PALM2AKAP2: variants seen among roughly 807,000 people sequenced by gnomAD.
PALM2AKAP2 encodes PALM2-AKAP2 fusion protein.
A neutral mutation model predicts 71.5 loss-of-function variants in PALM2AKAP2; 37 were observed. That is an observed-to-expected ratio of 0.52 (90% CI 0.40 to 0.68). PALM2AKAP2 has a LOEUF of 0.68. PALM2AKAP2 is among the 30% of genes least tolerant of loss of function. PALM2AKAP2 has a pLI of 0.00. For synonymous variants in PALM2AKAP2, 468 were observed against 478.8 expected (o/e 0.98, Z 0.29); for missense variants, 1,224 against 1,191.8 (o/e 1.03, Z -0.40).
chr9:109,762,223 G>A (rs911364135), intron 1 of PALM2AKAP2, among the ~76,000 whole-genome samples: 6 of 151,872 alleles, frequency 4.0e-5, no homozygotes, highest in African/African-American at 9.7e-5. Context: ...TCTTCAAAGT[G>A]TTTTAGGTCC....
intron 1 of PALM2AKAP2, among the ~76,000 whole-genome samples, chr9:110,120,423 T>C (rs1369109734): frequency 6.6e-6 from 1 of 152,358 alleles, no homozygotes; most frequent in East Asian, 1.9e-4. Flanking sequence ...TGCCTTTCCC[T>C]TAAATGTCAC....
chr9:110,030,600 C>G (rs545418074), intron 7 of PALM2AKAP2, among the ~76,000 whole-genome samples: 24 of 152,272 alleles, frequency 1.6e-4, no homozygotes, highest in African/African-American at 5.5e-4. Context: ...GAAGAATGAT[C>G]TTTCTGTATC....
chr9:109,853,428 T>C (rs1209953276), intron 1 of PALM2AKAP2, among the ~76,000 whole-genome samples: 2 of 152,254 alleles, frequency 1.3e-5, no homozygotes, highest in Non-Finnish European at 2.9e-5. Context: ...GCATACTCTT[T>C]GCTTTTTAAA....
chr9:109,950,595 T>G (rs1455254088), intron 6 of PALM2AKAP2, among the ~76,000 whole-genome samples: 2 of 152,198 alleles, frequency 1.3e-5, no homozygotes, highest in Non-Finnish European at 2.9e-5. Flanking sequence ...GCATCATCCT[T>G]CCTCAGGATG....
intron 2 of PALM2AKAP2, among the ~76,000 whole-genome samples, chr9:110,151,045 T>C (rs1458538278): frequency 1.3e-5 from 2 of 152,244 alleles, no homozygotes; most frequent in African/African-American, 2.4e-5. Flanking sequence ...TGAACGTTCT[T>C]GTACATGAGC....
intron 6 of PALM2AKAP2, among the ~76,000 whole-genome samples, chr9:109,997,906 G>A (rs1174976057): frequency 6.6e-6 from 1 of 152,368 alleles, no homozygotes; most frequent in Non-Finnish European, 1.5e-5. Flanking sequence ...GCTTCCTAAA[G>A]CCAAGTGTTT....
At chr9:109,703,783 G>A (rs1367971274) in intron 1 of PALM2AKAP2, among the ~76,000 whole-genome samples, 2 of 142,022 alleles carry the variant, frequency 1.4e-5, no homozygotes, top group African/African-American at 5.0e-5. Flanking sequence ...TGATGGGCAG[G>A]TACTGAGGTA....
intron 2 of PALM2AKAP2, among the ~76,000 whole-genome samples, chr9:109,879,670 G>A (rs749404084): frequency 1.1e-4 from 16 of 150,410 alleles, no homozygotes; most frequent in East Asian, 1.9e-4. Context: ...GTACTGTATC[G>A]TAGTACACTT....
intron 1 of PALM2AKAP2, among the ~76,000 whole-genome samples, chr9:109,769,925 G>C (rs750477772): frequency 6.6e-6 from 1 of 152,136 alleles, no homozygotes; most frequent in Non-Finnish European, 1.5e-5. Context: ...TCGGGTGAAG[G>C]CTGTTCTCCC....
intron 2 of PALM2AKAP2, among the ~76,000 whole-genome samples, chr9:109,871,224 A>C (rs1309004495): frequency 6.6e-6 from 1 of 152,250 alleles, no homozygotes; most frequent in Non-Finnish European, 1.5e-5. Context: ...GCAACTCTAC[A>C]AAATGGAATA....
intron 1 of PALM2AKAP2, among the ~76,000 whole-genome samples, chr9:109,691,174 T>TACACACACACAAACAC (rs1827877518): frequency 6.8e-6 from 1 of 147,458 alleles, no homozygotes; most frequent in Non-Finnish European, 1.5e-5. Context: ...CTTTGAATTT[T>TACACACACACAAACAC]ACACACACAC....
At chr9:109,980,210 G>A (rs1033389180) in intron 6 of PALM2AKAP2, among the ~76,000 whole-genome samples, 6 of 151,984 alleles carry the variant, frequency 3.9e-5, no homozygotes, top group Admixed American at 2.6e-4. Context: ...CAAGTCTTTG[G>A]GCCATGGGTC....
chr9:109,671,594 T>A (rs1218129195), intron 1 of PALM2AKAP2, among the ~76,000 whole-genome samples: 2 of 152,176 alleles, frequency 1.3e-5, no homozygotes, highest in Non-Finnish European at 2.9e-5. Context: ...TGGTTCCATA[T>A]GAATTTTAAA....
chr9:109,820,373 T>G (rs1039195140), intron 1 of PALM2AKAP2, among the ~76,000 whole-genome samples: 4 of 152,220 alleles, frequency 2.6e-5, no homozygotes, highest in Non-Finnish European at 4.4e-5. Flanking sequence ...CATGTATGTC[T>G]GTCTGGGATG....
intron 1 of PALM2AKAP2, among the ~76,000 whole-genome samples, chr9:109,703,839 C>T (rs531544774): frequency 6.6e-6 from 1 of 151,988 alleles, no homozygotes; most frequent in Non-Finnish European, 1.5e-5. Flanking sequence ...CTACAGAGGA[C>T]ATTAGTTTAT....
Position 110,136,767 on chromosome 9 carries a change from C to T in PALM2AKAP2, c.797C>T (p.Ala266Val), listed in dbSNP as rs774529525. 1.7e-5 allele frequency: 27 copies of T among 1,614,004 alleles called. No homozygotes were observed. In the South Asian group the frequency reaches 2.7e-4, roughly 16 times the overall value. Residue 266 changes from alanine (A) to valine (V), a missense_variant, in exon 2 of 4, where the codon GCC (alanine) becomes GTC (valine). Physicochemically the swap from Ala to Val is moderately conservative, Grantham distance 64. Transcript: ENST00000374525. ...ACTCTCACCACACTGAAAAAGGAGG[C>T]CAAGTTTGAGCTGCGTGCCTTCCAT... is the stretch of plus-strand genomic sequence containing the variant.
intron 6 of PALM2AKAP2, among the ~76,000 whole-genome samples, chr9:110,003,977 T>C (rs963193153): frequency 6.6e-6 from 1 of 152,214 alleles, no homozygotes; most frequent in Non-Finnish European, 1.5e-5. Flanking sequence ...TCTTGACTCT[T>C]TGTCTAATTT....
At chr9:109,931,975 G>A (rs1177170626) in exon 6 of PALM2AKAP2, 1 of 1,613,996 alleles carries the variant, frequency 6.2e-7, no homozygotes, top group East Asian at 2.2e-5. Context: ...CCAATCCTCT[G>A]TTCACGAACA....
chr9:109,929,670 C>G (rs980649349), intron 5 of PALM2AKAP2, among the ~76,000 whole-genome samples: 2 of 151,948 alleles, frequency 1.3e-5, no homozygotes, highest in Non-Finnish European at 2.9e-5. Flanking sequence ...CGAGACCATC[C>G]TGGCTAACAC....
Sources: allele counts gnomAD v4.1 joint callset (sites outside exome capture counted in the v4.1 genomes callset), GRCh38; gene constraint gnomAD v4.1.1; transcripts MANE v1.5; gene names NCBI Gene and HGNC (gene_info 2026-07-23, HGNC 2026-07-21).